WWP1: variants seen among roughly 807,000 people sequenced by gnomAD.
The protein encoded by WWP1 is NEDD4-like E3 ubiquitin-protein ligase WWP1.
Under a neutral mutation model 130.6 loss-of-function variants are expected in WWP1, and 49 were observed. The observed-to-expected ratio is 0.38, with a 90% CI of 0.30 to 0.48. The LOEUF is 0.48. Ranked by LOEUF, WWP1 falls within the 20% of genes least tolerant of loss-of-function variation. The probability of loss-of-function intolerance (pLI) is 0.99; values close to 1 mark genes in which losing one functional copy is unlikely to be tolerated. For synonymous variants in WWP1, 332 were observed against 367.8 expected (o/e 0.90, Z 1.11); for missense variants, 809 against 1,100.6 (o/e 0.74, Z 3.75).
intron 3 of WWP1, 121 bp from the exon 4 acceptor site, chr8:86,380,605 A>T (rs1824929064): frequency 1.8e-6 from 2 of 1,137,862 alleles, no homozygotes; most frequent in South Asian, 4.3e-5. Context: ...TTGTTTCTTC[A>T]TTCTGCCAAC....
rs1053052185 is a variant in WWP1, at chr8:86,385,798, A to T, written c.334+4169A>T. Among the ~76,000 whole-genome samples, 16 of 152,328 alleles carry T rather than the reference A, an allele frequency of 1.1e-4. 1 individual carries two copies. In the East Asian group the frequency reaches 1.3e-3, roughly 13 times the overall value. On this transcript the variant is annotated intron_variant, in intron 5 of 24. Coordinates refer to ENST00000517970, the MANE Select transcript of WWP1 (RefSeq NM_007013.4). ...CACAGTCCACAGCCAAAGATTTTTT[A>T]AAAATGTTAACAGAGAAACTTGCTT...
chr8:86,433,176 G>A (rs768981472), intron 14 of WWP1, among the ~76,000 whole-genome samples: 1 of 146,988 alleles, frequency 6.8e-6, no homozygotes, highest in African/African-American at 2.5e-5. Flanking sequence ...TTCCCTCTGC[G>A]TTTCTGTTCT....
At chr8:86,360,092 A>G (rs1823497105) in intron 1 of WWP1, among the ~76,000 whole-genome samples, 1 of 151,638 alleles carries the variant, frequency 6.6e-6, no homozygotes, top group Admixed American at 6.6e-5. Context: ...AATCCTCTAA[A>G]TATCTTTTAC....
intron 22 of WWP1, among the ~76,000 whole-genome samples, chr8:86,460,166 G>GGAATGT (rs1167534779): frequency 2.6e-5 from 4 of 152,286 alleles, no homozygotes; most frequent in African/African-American, 9.6e-5. Flanking sequence ...TAATTTTAGA[G>GGAATGT]GAATGTGTAC....
At chr8:86,401,431 A>T (rs1807972998) in intron 7 of WWP1, among the ~76,000 whole-genome samples, 1 of 151,934 alleles carries the variant, frequency 6.6e-6, no homozygotes, top group South Asian at 2.1e-4. Context: ...ACTGTGATGC[A>T]CGTCTGTGAT....
At chr8:86,442,832 G>C in intron 18 of WWP1, 54 bp downstream of exon 18, 1 of 1,409,754 alleles carries the variant, frequency 7.1e-7, no homozygotes. Flanking sequence ...ATGTATTAGA[G>C]AAGGCTTTTA....
chr8:86,418,507 C>T (rs1809014343), intron 9 of WWP1, among the ~76,000 whole-genome samples: 1 of 152,072 alleles, frequency 6.6e-6, no homozygotes, highest in South Asian at 2.1e-4. Flanking sequence ...TTAAGTGCAC[C>T]TCACTTAGCA....
At chr8:86,407,376 A>G (rs1028435642) in intron 8 of WWP1, among the ~76,000 whole-genome samples, 7 of 152,128 alleles carry the variant, frequency 4.6e-5, no homozygotes, top group Admixed American at 6.5e-5. Flanking sequence ...GAGTTTCTCA[A>G]TTTCAGCACT....
chr8:86,380,610 G>T, intron 3 of WWP1, 116 bp from the exon 4 acceptor site: 1 of 1,152,816 alleles, frequency 8.7e-7, no homozygotes, highest in Non-Finnish European at 1.2e-6. Context: ...TCTTCATTCT[G>T]CCAACGAGAA....
intron 1 of WWP1, among the ~76,000 whole-genome samples, chr8:86,366,470 G>A (rs1823973607): frequency 6.6e-6 from 1 of 152,182 alleles, no homozygotes. Flanking sequence ...AAGACCCTGG[G>A]TATTGAGAAA....
chr8:86,362,199 T>TATATATATATATATATAC (rs1409280271), intron 1 of WWP1, among the ~76,000 whole-genome samples: 1 of 121,030 alleles, frequency 8.3e-6, no homozygotes, highest in African/African-American at 3.0e-5. Context: ...TATATATATA[T>TATATATATATATATATAC]ATACTGGAAA....
At chr8:86,464,920 C>CGTGT (rs59046717) in intron 24 of WWP1, among the ~76,000 whole-genome samples, 1 of 151,450 alleles carries the variant, frequency 6.6e-6, no homozygotes, top group African/African-American at 2.4e-5. Context: ...CATGCGCGCG[C>CGTGT]GTGTGTGTGT....
At chr8:86,421,509 G>GT (rs913299684) in intron 9 of WWP1, among the ~76,000 whole-genome samples, 1 of 150,764 alleles carries the variant, frequency 6.6e-6, no homozygotes, top group Non-Finnish European at 1.5e-5. Context: ...TTTTTTGGGG[G>GT]GGTTCTCCCA....
At chr8:86,448,323 C>T (rs114316750) in intron 19 of WWP1, 42 bp downstream of exon 19, 1 of 1,579,988 alleles carries the variant, frequency 6.3e-7, no homozygotes, top group South Asian at 1.2e-5. Flanking sequence ...TTTTTGAAAC[C>T]CATTTTGTTT....
chr8:86,374,104 G>T lies in WWP1; in HGVS notation c.54G>T (p.Leu18Phe), dbSNP rs1459247079. Residue 18 changes from leucine to phenylalanine, a missense_variant, in exon 3 of 25, where the codon TTG becomes TTT. Coordinates refer to ENST00000517970, the MANE Select transcript of WWP1 (RefSeq NM_007013.4). ...CTAGTAATAACCACAGTGGAAGGTT[G>T]CAGTTACAGGTAACTGGTAAGTTAT... Reference protein sequence around the residue: ...SDTSNNHSGRLQLQVTVSSAK... With the variant: ...SDTSNNHSGRFQLQVTVSSAK... 1 of 1,607,660 alleles carries T rather than the reference G, an allele frequency of 6.2e-7. No homozygotes were observed. The highest frequency in any genetic ancestry group is 8.5e-7 in the Non-Finnish European group (1 of 1,177,766).
At chr8:86,354,954 C>T (rs1180483928) in intron 1 of WWP1, among the ~76,000 whole-genome samples, 1 of 151,948 alleles carries the variant, frequency 6.6e-6, no homozygotes, top group African/African-American at 2.4e-5. Context: ...TTTAAAAAAA[C>T]CCTCACAATA....
chr8:86,402,479 A>G (rs1328828928), intron 8 of WWP1, among the ~76,000 whole-genome samples: 1 of 152,184 alleles, frequency 6.6e-6, no homozygotes, highest in Non-Finnish European at 1.5e-5. Flanking sequence ...TAATAGAGAC[A>G]GAGTTTCACT....
intron 5 of WWP1, among the ~76,000 whole-genome samples, chr8:86,397,266 C>T (rs1389386317): frequency 1.3e-5 from 2 of 152,022 alleles, no homozygotes; most frequent in East Asian, 1.9e-4. Flanking sequence ...AGTATTTGGC[C>T]TCAGTTTGAA....
chr8:86,381,438 A>G (rs974926361), intron 4 of WWP1, 67 bp from the exon 5 acceptor site: 1 of 1,520,444 alleles, frequency 6.6e-7, no homozygotes, highest in East Asian at 2.4e-5. Context: ...TTTAATAGGA[A>G]TTGTTACTTA....
Sources: gnomAD v4.1 joint callset for allele counts (sites outside exome capture counted in the v4.1 genomes callset) on GRCh38, gnomAD v4.1.1 for gene constraint, MANE v1.5 for transcripts, NCBI Gene and HGNC (gene_info 2026-07-23, HGNC 2026-07-21) for gene names.